The following UTRN variants were observed in gnomAD, a reference collection of about 807,000 sequenced individuals.
UTRN encodes dystrophin-related protein 1.
In UTRN, 283 loss-of-function variants were observed where a neutral mutation model predicts 463.9. The observed-to-expected ratio is 0.61, with a 90% CI of 0.55 to 0.67. The LOEUF is 0.67. Ranked by LOEUF, UTRN falls within the 30% of genes least tolerant of loss-of-function variation. The probability of loss-of-function intolerance (pLI) is 0.00; values close to 1 mark genes in which losing one functional copy is unlikely to be tolerated. For missense variants in UTRN, 3,922 were observed against 4,084.3 expected (o/e 0.96, Z 1.08); for synonymous variants, 1,442 against 1,431.5 (o/e 1.01, Z -0.17).
chr6:144,660,871 T>A (rs1034180933), intron 51 of UTRN, among the ~76,000 whole-genome samples: 1 of 152,248 alleles, frequency 6.6e-6, no homozygotes, highest in Non-Finnish European at 1.5e-5. Context: ...TTATTAAATG[T>A]GCGTGTAGCT....
intron 2 of UTRN, among the ~76,000 whole-genome samples, chr6:144,302,077 C>G (rs1275331592): frequency 6.6e-6 from 1 of 152,184 alleles, no homozygotes; most frequent in Non-Finnish European, 1.5e-5. Flanking sequence ...TATCTGCATG[C>G]CAGAATCAAT....
intron 52 of UTRN, among the ~76,000 whole-genome samples, chr6:144,684,229 T>C (rs1782510093): frequency 6.6e-6 from 1 of 152,040 alleles, no homozygotes; most frequent in Non-Finnish European, 1.5e-5. Context: ...TTTGTATTTT[T>C]AGTAGAGACG....
At position 144,720,783 on chromosome 6, in the gene UTRN, C is replaced by T. The variant is rs570484313; in HGVS notation, c.7810-9574C>T. ...GTGTTTGAGAAGGTTGACCTCCCTCCCTCCTCTGTGTATTTATTCATAATG... is the reference window on the plus strand; with the variant it reads ...GTGTTTGAGAAGGTTGACCTCCCTCTCTCCTCTGTGTATTTATTCATAATG... On this transcript the variant is annotated intron_variant, in intron 53 of 74. Transcript: ENST00000367545. 2.0e-5 allele frequency among the ~76,000 whole-genome samples: 3 copies of T among 152,188 alleles called. No individual in the cohort carries two copies. In the South Asian group the frequency reaches 6.2e-4, roughly 32 times the overall value.
rs372727773 is a variant in UTRN at position 144,840,827 on chromosome 6, G to A, written c.10265G>A (p.Cys3422Tyr). 2 of 1,613,796 alleles carry A rather than the reference G, an allele frequency of 1.2e-6. No homozygotes were observed. Among genetic ancestry groups the A allele is most frequent in the Non-Finnish European group, 1.7e-6 (2 of 1,179,968 alleles). Residue 3422 changes from cysteine to tyrosine, a missense_variant, in exon 73 of 75, where the codon TGC becomes TAC. By Grantham distance (194) the Cys-to-Tyr change is radical. Around this residue, in one of 3 missense-constraint regions of UTRN, gnomAD observed 1,309 missense variants for 1,452.6 expected, o/e 0.90. Coordinates refer to ENST00000367545, the MANE Select transcript of UTRN (RefSeq NM_007124.3). Reference protein sequence around the residue: ...MEQIHSTFPSCCPNVPSRPQA... With the variant: ...MEQIHSTFPSYCPNVPSRPQA... Reference sequence around the variant, plus strand: ...CAGATTCACAGCACGTTTCCATCTTGCTGCCGTGAGTATGAAAGATTGCAG... The same window carrying A: ...CAGATTCACAGCACGTTTCCATCTTACTGCCGTGAGTATGAAAGATTGCAG...
In UTRN at chr6:144,436,183, C is replaced by G. The variant is rs367722581; in HGVS notation, c.1059+45C>G. 1.0e-5 allele frequency: 16 copies of G among 1,569,466 alleles called. No individual in the cohort carries two copies. The African/African-American group carries it at 1.5e-4, about 15-fold the overall frequency. ...TAGCAGGGTGTGTCCCCCACGGGAC[C>G]TGAGCCTTAATCAGGGACTCTACTC... On this transcript the variant is annotated intron_variant, in intron 10 of 74. Transcript: ENST00000367545.
chr6:144,564,467 G>C (rs1800217688), intron 50 of UTRN, among the ~76,000 whole-genome samples: 1 of 152,166 alleles, frequency 6.6e-6, no homozygotes, highest in African/African-American at 2.4e-5. Context: ...AGATCATGCT[G>C]AGCTTTGTAA....
chr6:144,329,320 A>T (rs1776184996), intron 2 of UTRN, among the ~76,000 whole-genome samples: 1 of 152,096 alleles, frequency 6.6e-6, no homozygotes, highest in Non-Finnish European at 1.5e-5. Context: ...TGACCTTGTG[A>T]TCCGCCTGCC....
At chr6:144,477,126 AAT>A (rs1791298385) in intron 25 of UTRN, among the ~76,000 whole-genome samples, 1 of 152,130 alleles carries the variant, frequency 6.6e-6, no homozygotes, top group Non-Finnish European at 1.5e-5. Flanking sequence ...TCTCCGTGGT[AAT>A]GGAAGGGAGG....
chr6:144,545,891 G>A (rs1226252798), intron 46 of UTRN, among the ~76,000 whole-genome samples: 1 of 152,108 alleles, frequency 6.6e-6, no homozygotes, highest in Non-Finnish European at 1.5e-5. Flanking sequence ...GTGGTGGCGG[G>A]CGCCTGTAAT....
chr6:144,786,420 G>T (rs1776297022), intron 61 of UTRN, among the ~76,000 whole-genome samples: 1 of 152,068 alleles, frequency 6.6e-6, no homozygotes, highest in South Asian at 2.1e-4. Context: ...CGAGTAGCTG[G>T]GATTACAGGC....
chr6:144,531,240 T>G, intron 42 of UTRN, 38 bp downstream of exon 42: 1 of 1,606,566 alleles, frequency 6.2e-7, no homozygotes, highest in Non-Finnish European at 8.5e-7. Flanking sequence ...ACTGCACATA[T>G]GGTTAGTGTA....
At chr6:144,361,768 C>CTTTTT (rs200737117) in intron 2 of UTRN, among the ~76,000 whole-genome samples, 26 of 138,752 alleles carry the variant, frequency 1.9e-4, no homozygotes, top group African/African-American at 7.4e-4. Flanking sequence ...TTCTTTCTTT[C>CTTTTT]TTTCTTTTTT....
intron 51 of UTRN, chr6:144,583,214 T>C: frequency 3.0e-6 from 1 of 337,088 alleles, no homozygotes; most frequent in Admixed American, 4.8e-5. Flanking sequence ...GCTCGACAAC[T>C]TCCTTCATTT....
rs778401948 is a variant in UTRN, at chr6:144,426,424, T to C, written c.543T>C (p.Asp181=). 2.5e-6 allele frequency: 4 copies of C among 1,614,144 alleles called. No individual in the cohort carries two copies. The highest frequency in any genetic ancestry group is 4.5e-5 in the East Asian group (2 of 44,886). The part of the protein sequence containing the change: ...NVLNFTTSWT[D]GLAFNAVLHR... The stretch of plus-strand genomic sequence containing the variant: ...TCAACTTCACCACCAGCTGGACAGA[T>C]GGACTCGCCTTTAATGCTGTCCTCC... Residue 181 remains aspartate (D), a synonymous_variant, in exon 7 of 75, where the codon GAT becomes GAC. Coordinates refer to ENST00000367545, the MANE Select transcript of UTRN (RefSeq NM_007124.3).
intron 52 of UTRN, among the ~76,000 whole-genome samples, chr6:144,687,723 C>G (rs1782908896): frequency 1.3e-5 from 2 of 152,026 alleles, no homozygotes; most frequent in South Asian, 4.1e-4. Context: ...GTCTGCTGTT[C>G]ATTCGATAAG....
rs1358163571 is a variant in UTRN, at chr6:144,424,046, G to A, written c.373G>A (p.Gly125Arg). 3 of 1,614,122 alleles carry A rather than the reference G, an allele frequency of 1.9e-6. No homozygotes were observed. The highest frequency in any genetic ancestry group is 2.5e-6 in the Non-Finnish European group (3 of 1,180,012). Residue 125 changes from glycine to arginine, a missense_variant, in exon 6 of 75, where the codon GGG becomes AGG. By Grantham distance (125) the Gly-to-Arg change is moderately radical. Coordinates refer to ENST00000367545, the MANE Select transcript of UTRN (RefSeq NM_007124.3). Reference protein sequence around the residue: ...IVDGNHKLTLGLLWSIILHWQ... With the variant: ...IVDGNHKLTLRLLWSIILHWQ... Reference sequence around the variant, plus strand: ...GGATGGAAATCACAAACTGACTTTGGGGTTACTTTGGAGCATCATTTTGCA... The same window carrying A: ...GGATGGAAATCACAAACTGACTTTGAGGTTACTTTGGAGCATCATTTTGCA...
intron 51 of UTRN, among the ~76,000 whole-genome samples, chr6:144,595,695 C>A (rs958598243): frequency 6.6e-6 from 1 of 152,128 alleles, no homozygotes; most frequent in Non-Finnish European, 1.5e-5. Flanking sequence ...ATTAGGGCAG[C>A]CATAATTTTA....
At chr6:144,330,686 G>T (rs969117969) in intron 2 of UTRN, 10 of 352,900 alleles carry the variant, frequency 2.8e-5, no homozygotes, top group Middle Eastern at 1.4e-3. Context: ...CACGTCTTCA[G>T]ATTTTAAGGC....
Position 144,515,540 on chromosome 6 carries a change from C to A in UTRN, c.5245-689C>A, listed in dbSNP as rs1342744957. On this transcript the variant is annotated intron_variant, in intron 37 of 74. Transcript: ENST00000367545. ...GTTACAGATAATTTCACAGTTTAATCCTAATGTAGGAAAGTACTACCTGAT... is the reference window on the plus strand; with the variant it reads ...GTTACAGATAATTTCACAGTTTAATACTAATGTAGGAAAGTACTACCTGAT... Among the ~76,000 whole-genome samples, 3 of 151,434 alleles carry A rather than the reference C, an allele frequency of 2.0e-5. No individual in the cohort carries two copies. The East Asian group carries it at 5.8e-4, about 29-fold the overall frequency.
Sources: gnomAD v4.1 joint callset for allele counts (sites outside exome capture counted in the v4.1 genomes callset) on GRCh38, gnomAD v4.1.1 for gene constraint, gnomAD v4.1.1 regional missense constraint, MANE v1.5 for transcripts, NCBI Gene and HGNC (gene_info 2026-07-23, HGNC 2026-07-21) for gene names.